ZNF600: variants seen among roughly 807,000 people sequenced by gnomAD.
The protein encoded by ZNF600 is zinc finger protein KR-ZNF1.
Under a neutral mutation model 7.3 loss-of-function variants are expected in ZNF600, and 4 were observed. The observed-to-expected ratio is 0.55, with a 90% CI of 0.27 to 1.25. The LOEUF is 1.25. Ranked by LOEUF, ZNF600 falls within the 50% of genes most tolerant of loss-of-function variation. ZNF600 has a pLI of 0.12. For synonymous variants in ZNF600, 290 were observed against 308.9 expected (o/e 0.94, Z 0.64); for missense variants, 911 against 922.1 (o/e 0.99, Z 0.16).
At chr19:52,778,525 C>T (rs1352343283) in intron 2 of ZNF600, among the ~76,000 whole-genome samples, 1 of 152,152 alleles carries the variant, frequency 6.6e-6, no homozygotes, top group Admixed American at 6.5e-5. Context: ...GATGTGGCCC[C>T]TGAACAATCC....
exon 4 of ZNF600, chr19:52,767,509 T>C (rs749048422): frequency 1.2e-6 from 2 of 1,614,202 alleles, no homozygotes; most frequent in Non-Finnish European, 1.7e-6. Flanking sequence ...TGATCTTTAA[T>C]AGGCTTGTTT....
upstream of ZNF600, among the ~76,000 whole-genome samples, chr19:52,791,066 G>C (rs2062789797): frequency 6.6e-6 from 1 of 152,118 alleles, no homozygotes; most frequent in Non-Finnish European, 1.5e-5. Flanking sequence ...TACCAAATCA[G>C]ATACAAACTA....
chr19:52,812,108 CT>C, the ZNF600 span, among the ~76,000 whole-genome samples: 1 of 113,202 alleles, frequency 8.8e-6, no homozygotes, highest in Non-Finnish European at 1.7e-5. Flanking sequence ...AGGAGCCCCT[CT>C]GCCTGGCCAG....
the ZNF600 span, among the ~76,000 whole-genome samples, chr19:52,804,318 T>C: frequency 3.3e-5 from 5 of 152,188 alleles, no homozygotes; most frequent in African/African-American, 9.6e-5. Flanking sequence ...GTTTTTGAGA[T>C]GGAGTCATGC....
intron 1 of ZNF600, among the ~76,000 whole-genome samples, chr19:52,784,736 T>G (rs761315004): frequency 4.1e-4 from 62 of 152,106 alleles, no homozygotes; most frequent in Non-Finnish European, 6.8e-4. Context: ...CCCCCACCCT[T>G]TTTTTCTTTT....
the ZNF600 span, among the ~76,000 whole-genome samples, chr19:52,820,543 G>T: frequency 4.0e-5 from 6 of 151,688 alleles, no homozygotes; most frequent in African/African-American, 4.9e-5. Context: ...TAACCCCCTG[G>T]ACCCAGTCTG....
the ZNF600 span, among the ~76,000 whole-genome samples, chr19:52,803,676 T>C: frequency 2.0e-5 from 3 of 152,242 alleles, no homozygotes; most frequent in East Asian, 3.9e-4. Context: ...AGAATGAGAA[T>C]TGACTAACAG....
upstream of ZNF600, among the ~76,000 whole-genome samples, chr19:52,789,701 A>G (rs1046696430): frequency 2.6e-5 from 4 of 152,188 alleles, no homozygotes; most frequent in Non-Finnish European, 4.4e-5. Context: ...ATGGTGAGGT[A>G]TGATTGCAGC....
At chr19:52,819,381 T>C in the ZNF600 span, among the ~76,000 whole-genome samples, 1 of 132,166 alleles carries the variant, frequency 7.6e-6, no homozygotes, top group African/African-American at 3.1e-5. Flanking sequence ...TACCACTCTC[T>C]TTCTTCCATT....
intron 1 of ZNF600, among the ~76,000 whole-genome samples, chr19:52,784,111 C>T (rs983739269): frequency 2.0e-5 from 3 of 152,090 alleles, no homozygotes; most frequent in East Asian, 1.9e-4. Context: ...TAGGTAGGCC[C>T]GGCATGGCGG....
At chr19:52,830,299 AG>A in the ZNF600 span, among the ~76,000 whole-genome samples, 1 of 152,112 alleles carries the variant, frequency 6.6e-6, no homozygotes, top group Admixed American at 6.6e-5. Flanking sequence ...AAAAATCTGG[AG>A]AAAAATTAAC....
chr19:52,791,583 A>C (rs2062790905), upstream of ZNF600, among the ~76,000 whole-genome samples: 1 of 101,980 alleles, frequency 9.8e-6, no homozygotes. Flanking sequence ...TCAATCCTGA[A>C]TGTGAAAAAA....
At chr19:52,782,294 C>G (rs13313715) in intron 1 of ZNF600, among the ~76,000 whole-genome samples, 1 of 151,650 alleles carries the variant, frequency 6.6e-6, no homozygotes, top group Admixed American at 6.6e-5. Context: ...GAAGCTGAGG[C>G]GGGAGGATCA....
the ZNF600 span, chr19:52,810,215 C>A: frequency 9.1e-7 from 1 of 1,102,170 alleles, no homozygotes; most frequent in Non-Finnish European, 1.4e-6. Flanking sequence ...AGCTACAGAA[C>A]GACGTAGAGA....
intron 1 of ZNF600, among the ~76,000 whole-genome samples, chr19:52,785,438 G>A (rs1180682789): frequency 6.6e-6 from 1 of 151,536 alleles, no homozygotes; most frequent in Non-Finnish European, 1.5e-5. Flanking sequence ...TAATAGAGAC[G>A]GGGTTTCTCC....
chr19:52,830,216 G>A, the ZNF600 span, among the ~76,000 whole-genome samples: 1 of 152,170 alleles, frequency 6.6e-6, no homozygotes, highest in Admixed American at 6.5e-5. Flanking sequence ...AGGCTGGAGT[G>A]AGCTGAGGTT....
intron 1 of ZNF600, among the ~76,000 whole-genome samples, chr19:52,785,110 CTT>C (rs1193423178): frequency 2.6e-5 from 4 of 151,950 alleles, no homozygotes; most frequent in Non-Finnish European, 5.9e-5. Flanking sequence ...CTCTCTAGCT[CTT>C]GTTTTCTTTT....
the ZNF600 span, among the ~76,000 whole-genome samples, chr19:52,792,290 G>C: frequency 3.4e-3 from 523 of 152,256 alleles, 2 homozygotes; most frequent in African/African-American, 0.012. Context: ...AAATCTTTGA[G>C]CCCCAAATCA....
At chr19:52,765,831 G>A (rs1485889335) in exon 4 of ZNF600, 2 of 1,613,816 alleles carry the variant, frequency 1.2e-6, no homozygotes, top group Non-Finnish European at 1.7e-6. Flanking sequence ...TTTGTCACAT[G>A]TTTCACATTT....
Sources: allele counts gnomAD v4.1 joint callset (sites outside exome capture counted in the v4.1 genomes callset), GRCh38; gene constraint gnomAD v4.1.1; transcripts MANE v1.5; gene names NCBI Gene and HGNC (gene_info 2026-07-23, HGNC 2026-07-21).